The following IGSF3 variants were observed in gnomAD, a reference collection of about 807,000 sequenced individuals.
The protein encoded by IGSF3 is immunoglobulin superfamily member 3, also known as glu-Trp-Ile EWI motif-containing protein 3.
Under a neutral mutation model 114.4 loss-of-function variants are expected in IGSF3, and 23 were observed. The ratio of observed to expected loss-of-function variants is 0.20; its 90% CI spans 0.14 to 0.28. IGSF3 has a LOEUF of 0.28. Ranked by LOEUF, IGSF3 falls within the 10% of genes least tolerant of loss-of-function variation. IGSF3 has a pLI of 1.00. For missense variants in IGSF3, 1,172 were observed against 1,591.5 expected (o/e 0.74, Z 4.48); for synonymous variants, 571 against 645.2 (o/e 0.88, Z 1.74).
In IGSF3 at chr1:116,577,385, T is replaced by C. The variant is rs771650034; in HGVS notation, c.3512A>G (p.Glu1171Gly). The change falls in exon 11 of 11, where the codon GAG (glutamate) becomes GGG (glycine). Residue 1171 changes from glutamate (E) to glycine (G), a missense_variant. Glu to Gly is a moderately conservative substitution (Grantham distance 98, BLOSUM62 -2). This residue lies in a region of IGSF3 where 423 missense variants were observed against 509.8 expected (regional missense o/e 0.83). Coordinates refer to ENST00000369486, the MANE Select transcript of IGSF3 (RefSeq NM_001007237.3). This position sits in a 1 kb window ranked among gnomAD's most constrained non-coding sequence, Gnocchi z 5.7. Reference protein sequence around the residue: ...KNGVPLLWIKEPHLNYSPTCL... With the variant: ...KNGVPLLWIKGPHLNYSPTCL... ...AGTAGGGGAGTAGTTGAGGTGTGGC[T>C]CTTTGATCCACAGCAGAGGCACCCC... 3.7e-6 allele frequency: 6 copies of C among 1,614,042 alleles called. No homozygotes were observed.
chr1:116,625,450 A>T lies in IGSF3; in HGVS notation c.44-8993T>A, dbSNP rs1337921011. ...AGAAGTTTGCGGAGGTCGTTTTGTC[A>T]CATGACTGGAGGGCACATCAGTGCC... On this transcript the variant is annotated intron_variant, in intron 2 of 10. Transcript: ENST00000369486. The surrounding 1 kb of genome is among the most constrained non-coding windows in gnomAD (Gnocchi z 4.7). 6.6e-6 allele frequency among the ~76,000 whole-genome samples: 1 copy of T among 152,254 alleles called. No homozygotes were observed. The highest frequency in any genetic ancestry group is 1.5e-5 in the Non-Finnish European group (1 of 68,050).
chr1:116,614,993 G>A lies in IGSF3; in HGVS notation c.422-818C>T, dbSNP rs1235206020. 2.6e-5 allele frequency among the ~76,000 whole-genome samples: 4 copies of A among 151,306 alleles called. No individual in the cohort carries two copies. Among genetic ancestry groups the A allele is most frequent in the African/African-American group, 4.9e-5 (2 of 41,072 alleles). On this transcript the variant is annotated intron_variant, in intron 3 of 10. Coordinates refer to ENST00000369486, the MANE Select transcript of IGSF3 (RefSeq NM_001007237.3). The surrounding 1 kb of genome is among the most constrained non-coding windows in gnomAD (Gnocchi z 4.5). ...GTCTTACGGGTCTCCTGCTGGGAAC[G>A]GCCAAGTGCGGTGGCTCACACCTAT...
At chr1:116,604,101 A>G (rs370546198) in intron 5 of IGSF3, 76 bp from the exon 6 acceptor site, 1 of 1,281,492 alleles carries the variant, frequency 7.8e-7, no homozygotes, top group Non-Finnish European at 1.1e-6. Context: ...GAAACAGGAG[A>G]AGGGGTGCAA....
In IGSF3 at chr1:116,618,378, T is replaced by G. The variant is rs1203995481; in HGVS notation, c.44-1921A>C. ...ATGTTAAAATATGATGCATAACATT[T>G]TTACTATATGTACAGTCATGCACTG... is the stretch of plus-strand genomic sequence containing the variant. On this transcript the variant is annotated intron_variant, in intron 2 of 10. Coordinates refer to ENST00000369486, the MANE Select transcript of IGSF3 (RefSeq NM_001007237.3). This position sits in a 1 kb window ranked among gnomAD's most constrained non-coding sequence, Gnocchi z 4.7. Among the ~76,000 whole-genome samples the G allele has an allele frequency of 2.0e-5, 3 of 152,224 alleles. No individual in the cohort carries two copies. Among genetic ancestry groups the G allele is most frequent in the Non-Finnish European group, 2.9e-5 (2 of 68,046 alleles).
rs1299889554 is a variant in IGSF3 at position 116,574,584 on chromosome 1, C to G, written c.*2728G>C. The G allele has an allele frequency of 1.3e-5, 2 of 152,402 alleles. No individual in the cohort carries two copies. The highest frequency in any genetic ancestry group is 2.9e-5 in the Non-Finnish European group (2 of 67,996). 9.4% of individuals were successfully genotyped at this position (152,402 alleles called of 1,614,324 possible). ...TCCTCAATAATTAACGCAGAGAAAC[C>G]ATTGTTTGAAAAGAATATGAAAACT... is the stretch of plus-strand genomic sequence containing the variant. On this transcript the variant is annotated 3_prime_UTR_variant, in exon 11 of 11. Transcript: ENST00000369486. This position sits in a 1 kb window ranked among gnomAD's most constrained non-coding sequence, Gnocchi z 5.2.
rs1660673566 is a variant in IGSF3 at position 116,603,415 on chromosome 1, G to T, written c.1624+209C>A. Reference sequence around the variant, plus strand: ...CCTCAGGAGCCCCATCATCCACTGTGGGTCCCTCAGTCCCTGCTAGCACTA... The same window carrying T: ...CCTCAGGAGCCCCATCATCCACTGTTGGTCCCTCAGTCCCTGCTAGCACTA... On this transcript the variant is annotated intron_variant, in intron 6 of 10. Coordinates refer to ENST00000369486, the MANE Select transcript of IGSF3 (RefSeq NM_001007237.3). The surrounding 1 kb of genome is among the most constrained non-coding windows in gnomAD (Gnocchi z 7.1). Among the ~76,000 whole-genome samples the T allele has an allele frequency of 6.6e-6, 1 of 152,120 alleles. No homozygotes were observed. Among genetic ancestry groups the T allele is most frequent in the African/African-American group, 2.4e-5 (1 of 41,420 alleles).
chr1:116,641,479 G>A (rs144808268), intron 2 of IGSF3, among the ~76,000 whole-genome samples: 2,558 of 120,368 alleles, frequency 0.021, 44 homozygotes, highest in Non-Finnish European at 0.032. Context: ...ATGGGCAACA[G>A]GGCAAGACTC....
In IGSF3 at chr1:116,588,956, A is replaced by G. The variant is rs527683201; in HGVS notation, c.2178T>C (p.Asp726=). 3.1e-6 allele frequency: 5 copies of G among 1,614,188 alleles called. No individual in the cohort carries two copies. The highest frequency in any genetic ancestry group is 1.7e-5 in the Admixed American group (1 of 60,020). ...LWYVHKPSDA[D]GKLILKTTHN... ...GGGTGGTCTTCAGGATAAGCTTGCCATCGGCATCCGAGGGCTTGTGGACAT... is the reference window on the plus strand; with the variant it reads ...GGGTGGTCTTCAGGATAAGCTTGCCGTCGGCATCCGAGGGCTTGTGGACAT... The change falls in exon 8 of 11, where the codon GAT becomes GAC. Residue 726 remains aspartate (D), a synonymous_variant. Coordinates refer to ENST00000369486, the MANE Select transcript of IGSF3 (RefSeq NM_001007237.3). This position sits in a 1 kb window ranked among gnomAD's most constrained non-coding sequence, Gnocchi z 4.9.
chr1:116,590,013 G>A (rs575160702), intron 7 of IGSF3, among the ~76,000 whole-genome samples: 10 of 152,146 alleles, frequency 6.6e-5, no homozygotes, highest in Non-Finnish European at 1.2e-4. Context: ...GTGAGCGAAT[G>A]AGAGCACGTT....
intron 8 of IGSF3, among the ~76,000 whole-genome samples, chr1:116,586,526 T>G (rs1322565550): frequency 6.6e-6 from 1 of 152,216 alleles, no homozygotes; most frequent in Middle Eastern, 3.2e-3. Context: ...AAAGCTGTTT[T>G]ACTCGGTGTC....
chr1:116,624,660 A>C lies in IGSF3; in HGVS notation c.44-8203T>G, dbSNP rs1334670765. On this transcript the variant is annotated intron_variant, in intron 2 of 10. Coordinates refer to ENST00000369486, the MANE Select transcript of IGSF3 (RefSeq NM_001007237.3). This position sits in a 1 kb window ranked among gnomAD's most constrained non-coding sequence, Gnocchi z 4.9. ...TGTGACCATGCCACACACTCCCATC[A>C]AGAGGTGGAGTTTAGAATAATTCCC... is the stretch of plus-strand genomic sequence containing the variant. Among the ~76,000 whole-genome samples the C allele has an allele frequency of 6.6e-6, 1 of 152,154 alleles. No homozygotes were observed. Among genetic ancestry groups the C allele is most frequent in the African/African-American group, 2.4e-5 (1 of 41,436 alleles).
In IGSF3 at chr1:116,648,359, G is replaced by A. The variant is rs1209242632; in HGVS notation, c.43+17925C>T. Among the ~76,000 whole-genome samples the A allele has an allele frequency of 1.3e-5, 2 of 152,160 alleles. No homozygotes were observed. Among genetic ancestry groups the A allele is most frequent in the African/African-American group, 2.4e-5 (1 of 41,430 alleles). ...CTGGGTATTAGGAGTTGAGGTGTTC[G>A]GTTAGAGAAGAAACAGGATGCACGG... On this transcript the variant is annotated intron_variant, in intron 2 of 10. Transcript: ENST00000369486. This position sits in a 1 kb window ranked among gnomAD's most constrained non-coding sequence, Gnocchi z 4.7.
intron 2 of IGSF3, among the ~76,000 whole-genome samples, chr1:116,639,376 A>G (rs1332971886): frequency 6.6e-6 from 1 of 152,150 alleles, no homozygotes. Context: ...TTTCTACCTA[A>G]ATTCTACTGT....
chr1:116,617,620 T>C (rs1327884264), intron 2 of IGSF3, among the ~76,000 whole-genome samples: 2 of 152,238 alleles, frequency 1.3e-5, no homozygotes, highest in African/African-American at 4.8e-5. Context: ...TTGGATAAGC[T>C]GCTTAACCTC....
intron 2 of IGSF3, among the ~76,000 whole-genome samples, chr1:116,641,547 AGAAAAAGAAAGAAG>A (rs140718822): frequency 0.16 from 23,497 of 145,124 alleles, 2,530 homozygotes; most frequent in East Asian, 0.41. Context: ...AAAGAAAGAA[AGAAAAAGAAAGAAG>A]GAAAGAAAGA....
At chr1:116,617,839 G>C (rs1051172113) in intron 2 of IGSF3, among the ~76,000 whole-genome samples, 5 of 152,210 alleles carry the variant, frequency 3.3e-5, no homozygotes, top group African/African-American at 1.2e-4. Context: ...GCCAATGACT[G>C]CTTAAGGACA....
chr1:116,664,177 C>T lies in IGSF3; in HGVS notation c.43+2107G>A, dbSNP rs1413250279. The stretch of plus-strand genomic sequence containing the variant: ...AATCAGGCAGAGATCCACATGCATG[C>T]CTACAGTTCCAAACCTTCCCACTTC... On this transcript the variant is annotated intron_variant, in intron 2 of 10. Transcript: ENST00000369486. The surrounding 1 kb of genome is among the most constrained non-coding windows in gnomAD (Gnocchi z 4.6). Among the ~76,000 whole-genome samples, 1 of 152,206 alleles carries T rather than the reference C, an allele frequency of 6.6e-6. No homozygotes were observed. The highest frequency in any genetic ancestry group is 1.5e-5 in the Non-Finnish European group (1 of 68,042).
Position 116,614,073 on chromosome 1 carries a change from T to C in IGSF3, c.524A>G (p.Gln175Arg). The C allele has an allele frequency of 6.2e-7, 1 of 1,614,156 alleles. No individual in the cohort carries two copies. Among genetic ancestry groups the C allele is most frequent in the South Asian group, 1.1e-5 (1 of 91,082 alleles). Reference sequence around the variant, plus strand: ...CCAGGCCACAGACAGGTGGCTGTGCTGAATGGTCTCTGAGGCCACCTCACA... The same window carrying C: ...CCAGGCCACAGACAGGTGGCTGTGCCGAATGGTCTCTGAGGCCACCTCACA... Reference protein sequence around the residue: ...LTCEVASETIQHSHLSVAWLR... With the variant: ...LTCEVASETIRHSHLSVAWLR... The change falls in exon 4 of 11, where the codon CAG (glutamine) becomes CGG (arginine). Residue 175 changes from glutamine to arginine, a missense_variant. Around this residue, in one of 3 missense-constraint regions of IGSF3, gnomAD observed 736 missense variants for 1,042.0 expected, o/e 0.71. Coordinates refer to ENST00000369486, the MANE Select transcript of IGSF3 (RefSeq NM_001007237.3). The surrounding 1 kb of genome is among the most constrained non-coding windows in gnomAD (Gnocchi z 4.5).
chr1:116,613,059 G>A (rs1054014707), intron 4 of IGSF3, among the ~76,000 whole-genome samples: 2 of 152,166 alleles, frequency 1.3e-5, no homozygotes, highest in Non-Finnish European at 2.9e-5. Flanking sequence ...CATCTACAGT[G>A]GAACTTGGTA....
Sources: gnomAD v4.1 joint callset for allele counts (sites outside exome capture counted in the v4.1 genomes callset) on GRCh38, gnomAD v4.1.1 for gene constraint, gnomAD v4.1.1 regional missense constraint, Gnocchi (gnomAD v3.1) non-coding constraint, MANE v1.5 for transcripts, NCBI Gene and HGNC (gene_info 2026-07-23, HGNC 2026-07-21) for gene names.